Variants in CREBRF observed in about 807,000 individuals in gnomAD.
The protein encoded by CREBRF is CREB3 regulatory factor, also known as UPF0474 protein C5orf41.
Under a neutral mutation model 66.1 loss-of-function variants are expected in CREBRF, and 5 were observed. The ratio of observed to expected loss-of-function variants is 0.08; its 90% confidence interval spans 0.04 to 0.16. The LOEUF is 0.16. Among genes scored for constraint, CREBRF ranks in the 10% least tolerant of loss-of-function variants. The pLI is 1.00. For synonymous variants in CREBRF, 229 were observed against 264.4 expected (o/e 0.87, Z 1.30); for missense variants, 531 against 744.9 (o/e 0.71, Z 3.34).
At chr5:173,087,934 C>T (rs985050229) in intron 3 of CREBRF, among the ~76,000 whole-genome samples, 1 of 151,730 alleles carries the variant, frequency 6.6e-6, no homozygotes, top group South Asian at 2.1e-4. Flanking sequence ...AGCGATTCTC[C>T]TGCCTCAGCC....
At chr5:173,110,368 G>A (rs565820936) in intron 5 of CREBRF, 154 bp from the exon 6 acceptor site, 27 of 715,792 alleles carry the variant, frequency 3.8e-5, no homozygotes, top group Non-Finnish European at 6.7e-5. Context: ...GCCCTTCTAG[G>A]ATAGATTGTT....
chr5:173,070,052 G>A (rs1287571544), intron 1 of CREBRF, among the ~76,000 whole-genome samples: 5 of 151,722 alleles, frequency 3.3e-5, no homozygotes, highest in African/African-American at 9.7e-5. Context: ...GTGCCACCAC[G>A]CCTAACTAAT....
chr5:173,059,539 C>G (rs1175495752), intron 1 of CREBRF, among the ~76,000 whole-genome samples: 1 of 152,164 alleles, frequency 6.6e-6, no homozygotes, highest in East Asian at 1.9e-4. Context: ...GCTGGGATTA[C>G]AGGCGTGAGC....
intron 4 of CREBRF, among the ~76,000 whole-genome samples, chr5:173,097,762 ATTGAT>A (rs1758513206): frequency 6.6e-6 from 1 of 151,884 alleles, no homozygotes; most frequent in African/African-American, 2.4e-5. Context: ...TTATAATTTT[ATTGAT>A]TTGAGTCTTT....
At chr5:173,125,298 A>G (rs1759243759) in intron 8 of CREBRF, among the ~76,000 whole-genome samples, 1 of 152,012 alleles carries the variant, frequency 6.6e-6, no homozygotes, top group Non-Finnish European at 1.5e-5. Context: ...TTTTACTTTC[A>G]GGAATTTTCC....
rs1229256717 is a variant in CREBRF, at chr5:173,137,479, C to T, written c.*3734C>T. The T allele has an allele frequency of 6.6e-6, 1 of 152,006 alleles. No individual in the cohort carries two copies. The highest frequency in any genetic ancestry group is 1.9e-4 in the East Asian group (1 of 5,198). 9.4% of individuals were successfully genotyped at this position (152,006 alleles called of 1,614,324 possible). A position where few individuals can be genotyped will look rare whatever the true frequency, so the allele number is the denominator to read the frequency against. ...TTTCTCATACATCTTCTTTCTGATG[C>T]TTGACTTTATTTGCTTCCTAGCAAT... is the stretch of plus-strand genomic sequence containing the variant. On this transcript the variant is annotated 3_prime_UTR_variant, in exon 9 of 9. Transcript: ENST00000296953.
chr5:173,086,485 A>T lies in CREBRF; in HGVS notation c.10-16A>T, dbSNP rs1758152077. The T allele has an allele frequency of 6.2e-7, 1 of 1,610,532 alleles. No individual in the cohort carries two copies. Among genetic ancestry groups the T allele is most frequent in the Admixed American group, 1.7e-5 (1 of 58,884 alleles). ...GTAGTCTTTAACTTTCTAAAATAAA[A>T]ATCACTCTGTTGTAGCCTAGTGTAA... On this transcript the variant is annotated splice_polypyrimidine_tract_variant and intron_variant, in intron 2 of 8. Transcript: ENST00000296953.
chr5:173,100,129 TA>T (rs1758589246), intron 4 of CREBRF, among the ~76,000 whole-genome samples: 3 of 136,478 alleles, frequency 2.2e-5, no homozygotes, highest in South Asian at 2.3e-4. Flanking sequence ...TATATATATA[TA>T]ATTTTTTTTT....
At chr5:173,085,106 C>G (rs1189160001) in intron 2 of CREBRF, among the ~76,000 whole-genome samples, 4 of 151,854 alleles carry the variant, frequency 2.6e-5, no homozygotes, top group Admixed American at 2.6e-4. Context: ...CCACACCTGA[C>G]TAATTTTCGT....
chr5:173,125,691 C>T lies in CREBRF; in HGVS notation c.1804+2489C>T, dbSNP rs530053888. ...CATCCTGGCTAACATGGTGAAACCCCGTCTCTACTAAAAATACAAAAAAAA... is the reference window on the plus strand; with the variant it reads ...CATCCTGGCTAACATGGTGAAACCCTGTCTCTACTAAAAATACAAAAAAAA... On this transcript the variant is annotated intron_variant, in intron 8 of 8. Coordinates refer to ENST00000296953, the MANE Select transcript of CREBRF (RefSeq NM_153607.3). Among the ~76,000 whole-genome samples the T allele has an allele frequency of 3.5e-5, 5 of 144,676 alleles. No homozygotes were observed. The South Asian group carries it at 8.8e-4, about 25-fold the overall frequency. The allele number at this position is 144,676 out of a possible 152,430, so 94.9% of individuals were successfully genotyped here. A position where few individuals can be genotyped will look rare whatever the true frequency, so the allele number is the denominator to read the frequency against.
At chr5:173,121,694 T>C (rs988919323) in intron 7 of CREBRF, among the ~76,000 whole-genome samples, 2 of 152,162 alleles carry the variant, frequency 1.3e-5, no homozygotes, top group African/African-American at 4.8e-5. Flanking sequence ...AGCTTTTGTT[T>C]TTGAGGGACT....
chr5:173,096,434 TCCCTC>T (rs1443235766), intron 4 of CREBRF, among the ~76,000 whole-genome samples: 3 of 74,864 alleles, frequency 4.0e-5, no homozygotes, highest in Admixed American at 1.3e-4. Context: ...TCCCTTCCCT[TCCCTC>T]CCCTCCCCTC....
Position 173,091,082 on chromosome 5 carries a change from T to C in CREBRF, c.903T>C (p.Ser301=). ...PFKETQELLL[S]PLPQEGPGSL... is the part of the protein sequence containing the mutation. ...AAGAAACCCAGGAACTATTACTAAGTCCCCTGCCCCAGGAAGGTCCTGGGT... is the reference window on the plus strand; with the variant it reads ...AAGAAACCCAGGAACTATTACTAAGCCCCCTGCCCCAGGAAGGTCCTGGGT... Residue 301 remains serine (S), a synonymous_variant, in exon 4 of 9, where the codon AGT becomes AGC. Coordinates refer to ENST00000296953, the MANE Select transcript of CREBRF (RefSeq NM_153607.3). The C allele has an allele frequency of 6.2e-7, 1 of 1,614,012 alleles. No individual in the cohort carries two copies. The highest frequency in any genetic ancestry group is 8.5e-7 in the Non-Finnish European group (1 of 1,180,006).
At chr5:173,125,810 G>A (rs1401339791) in intron 8 of CREBRF, among the ~76,000 whole-genome samples, 4 of 152,222 alleles carry the variant, frequency 2.6e-5, no homozygotes, top group Non-Finnish European at 5.9e-5. Context: ...GTTACAGTGA[G>A]CCAAGATTGT....
intron 3 of CREBRF, 58 bp downstream of exon 3, chr5:173,086,684 G>C: frequency 3.3e-6 from 5 of 1,500,356 alleles, no homozygotes; most frequent in Non-Finnish European, 4.5e-6. Flanking sequence ...GTTTGTGGGA[G>C]AGTTTTTTGT....
chr5:173,117,950 T>C (rs1759046311), intron 7 of CREBRF, among the ~76,000 whole-genome samples: 1 of 151,234 alleles, frequency 6.6e-6, no homozygotes, highest in African/African-American at 2.4e-5. Flanking sequence ...CTTGGCTCAC[T>C]GCAAGCTCCA....
intron 1 of CREBRF, among the ~76,000 whole-genome samples, chr5:173,058,126 TATCTTTA>T (rs1323909350): frequency 6.6e-6 from 1 of 152,090 alleles, no homozygotes; most frequent in Non-Finnish European, 1.5e-5. Context: ...TACTTTTAAA[TATCTTTA>T]ATCTTTTAAT....
At chr5:173,103,294 C>T (rs1279420705) in intron 4 of CREBRF, among the ~76,000 whole-genome samples, 1 of 152,156 alleles carries the variant, frequency 6.6e-6, no homozygotes, top group Non-Finnish European at 1.5e-5. Context: ...GGACAGTTCT[C>T]ACAAATGTTA....
Position 173,135,120 on chromosome 5 carries a change from C to G in CREBRF, c.*1375C>G, listed in dbSNP as rs557080560. Reference sequence around the variant, plus strand: ...AGAAAAAAGCTAAAAATATCTAATTCTTTAGTTGCCACTTTTCCGATTGAT... The same window carrying G: ...AGAAAAAAGCTAAAAATATCTAATTGTTTAGTTGCCACTTTTCCGATTGAT... On this transcript the variant is annotated 3_prime_UTR_variant, in exon 9 of 9. Transcript: ENST00000296953. 1 of 152,266 alleles carries G rather than the reference C, an allele frequency of 6.6e-6. No individual in the cohort carries two copies. The highest frequency in any genetic ancestry group is 2.1e-4 in the South Asian group (1 of 4,820). 9.4% of individuals were successfully genotyped at this position (152,266 alleles called of 1,614,324 possible). A position where few individuals can be genotyped will look rare whatever the true frequency, so the allele number is the denominator to read the frequency against.
Sources: allele counts gnomAD v4.1 joint callset (sites outside exome capture counted in the v4.1 genomes callset), GRCh38; gene constraint gnomAD v4.1.1; transcripts MANE v1.5; gene names NCBI Gene and HGNC (gene_info 2026-07-23, HGNC 2026-07-21).